Variants in AGMO observed in about 807,000 individuals in gnomAD.
The protein encoded by AGMO is glyceryl-ether monooxygenase.
In AGMO, 75 loss-of-function variants were observed where a neutral mutation model predicts 60.2. The ratio of observed to expected loss-of-function variants is 1.25; its 90% CI spans 1.03 to 1.51. The LOEUF (loss-of-function observed/expected upper bound fraction) is 1.51. Ranked by LOEUF, AGMO falls within the 40% of genes most tolerant of loss-of-function variation. The probability of loss-of-function intolerance (pLI) is 0.00; values close to 1 mark genes in which losing one functional copy is unlikely to be tolerated. For missense variants in AGMO, 763 were observed against 525.5 expected (o/e 1.45, Z -4.42); for synonymous variants, 261 against 177.1 (o/e 1.47, Z -3.76).
intron 5 of AGMO, among the ~76,000 whole-genome samples, chr7:15,407,352 A>T (rs1231843857): frequency 6.6e-6 from 1 of 150,908 alleles, no homozygotes; most frequent in Admixed American, 6.7e-5. Context: ...GTAACTGTAG[A>T]ATAGAAGGAA....
At chr7:15,383,364 T>A (rs1783770381) in intron 10 of AGMO, among the ~76,000 whole-genome samples, 1 of 151,418 alleles carries the variant, frequency 6.6e-6, no homozygotes, top group Admixed American at 6.6e-5. Flanking sequence ...CCCAAACTTT[T>A]CAGTTACGTT....
intron 3 of AGMO, among the ~76,000 whole-genome samples, chr7:15,527,769 A>G (rs564752824): frequency 6.6e-6 from 1 of 152,270 alleles, no homozygotes; most frequent in African/African-American, 2.4e-5. Flanking sequence ...TTTAAGATGA[A>G]GCCATTTACC....
chr7:15,457,855 G>C (rs6461181), intron 3 of AGMO, among the ~76,000 whole-genome samples: 120,542 of 151,960 alleles, frequency 0.79, 48,814 homozygotes, highest in African/African-American at 0.87. Flanking sequence ...ATCTTTTCCA[G>C]GCTTTACTCT....
At position 15,277,691 on chromosome 7, in the gene AGMO, A is replaced by T. The variant is rs951366684; in HGVS notation, c.1264-76332T>A. Among the ~76,000 whole-genome samples the T allele has an allele frequency of 3.6e-4, 55 of 152,092 alleles. No individual in the cohort carries two copies. In the Middle Eastern group the frequency reaches 0.01, roughly 28 times the overall value. ...TCAATCTATAGGCTAATAAATGGCA[A>T]TTACAGGTAATAGCCAATTGCAGTA... On this transcript the variant is annotated intron_variant, in intron 12 of 12. Coordinates refer to ENST00000342526, the MANE Select transcript of AGMO (RefSeq NM_001004320.2).
At chr7:15,356,081 C>T (rs1218644016) in intron 12 of AGMO, among the ~76,000 whole-genome samples, 1 of 152,138 alleles carries the variant, frequency 6.6e-6, no homozygotes, top group Non-Finnish European at 1.5e-5. Context: ...ACAATTACAA[C>T]TTCGGTGAGG....
intron 12 of AGMO, among the ~76,000 whole-genome samples, chr7:15,226,326 A>G (rs1022824206): frequency 2.0e-5 from 3 of 152,152 alleles, no homozygotes; most frequent in African/African-American, 7.2e-5. Context: ...GTTCTGAATT[A>G]CAAGGACTCT....
intron 5 of AGMO, among the ~76,000 whole-genome samples, chr7:15,414,488 A>G (rs1780702333): frequency 6.6e-6 from 1 of 151,958 alleles, no homozygotes; most frequent in Non-Finnish European, 1.5e-5. Flanking sequence ...ACACACACAC[A>G]CACACACACA....
chr7:15,388,253 G>A (rs1057490729), intron 8 of AGMO, among the ~76,000 whole-genome samples: 1 of 152,082 alleles, frequency 6.6e-6, no homozygotes. Context: ...TATGCCTAGT[G>A]TTCCATTATT....
intron 12 of AGMO, among the ~76,000 whole-genome samples, chr7:15,354,260 T>C (rs1191637102): frequency 7.1e-6 from 1 of 140,278 alleles, no homozygotes; most frequent in Non-Finnish European, 1.5e-5. Context: ...GTAAAAAATG[T>C]GTACATGATA....
At chr7:15,518,524 C>CA (rs1465743799) in intron 3 of AGMO, among the ~76,000 whole-genome samples, 1 of 152,156 alleles carries the variant, frequency 6.6e-6, no homozygotes, top group Non-Finnish European at 1.5e-5. Flanking sequence ...GATACTCTGG[C>CA]AAACAGGGTC....
chr7:15,206,968 T>G (rs1781455231), intron 12 of AGMO, among the ~76,000 whole-genome samples: 1 of 152,184 alleles, frequency 6.6e-6, no homozygotes, highest in Admixed American at 6.5e-5. Flanking sequence ...ATCTTTCATT[T>G]CACGCATTAT....
intron 12 of AGMO, among the ~76,000 whole-genome samples, chr7:15,207,581 T>G (rs1781471189): frequency 6.6e-6 from 1 of 152,242 alleles, no homozygotes; most frequent in Non-Finnish European, 1.5e-5. Context: ...TTTTACCAGC[T>G]TAGATTGTTA....
intron 3 of AGMO, among the ~76,000 whole-genome samples, chr7:15,528,475 C>T (rs1200747984): frequency 6.6e-6 from 1 of 151,990 alleles, no homozygotes; most frequent in African/African-American, 2.4e-5. Context: ...TAATCCTGAT[C>T]TGAAGTACCT....
intron 12 of AGMO, among the ~76,000 whole-genome samples, chr7:15,356,972 A>T (rs895538557): frequency 7.3e-5 from 11 of 150,764 alleles, no homozygotes; most frequent in Admixed American, 6.0e-4. Flanking sequence ...AAAAAAAAAA[A>T]AATTAGCCAG....
intron 12 of AGMO, among the ~76,000 whole-genome samples, chr7:15,247,463 G>C (rs867779648): frequency 1.9e-4 from 26 of 139,976 alleles, no homozygotes; most frequent in South Asian, 8.8e-4. Context: ...CACACACAGA[G>C]AGAGAGAGAG....
chr7:15,354,390 G>GCGTGTGTA (rs1782395957), intron 12 of AGMO, among the ~76,000 whole-genome samples: 9 of 37,538 alleles, frequency 2.4e-4, no homozygotes, highest in African/African-American at 6.9e-4. Flanking sequence ...ACACGTGTGT[G>GCGTGTGTA]TATACACGTG....
In AGMO at chr7:15,529,666, T is replaced by TCTTCTATATACAGAATATATA. The variant is rs1784242477; in HGVS notation, c.409+15105_409+15106insTATATATTCTGTATATAGAAG. On this transcript the variant is annotated intron_variant, in intron 3 of 12. Transcript: ENST00000342526. ...TATATACTATATATTCTATATATATTCTATATATATTCTATATATAGAATA... is the reference window on the plus strand; with the variant it reads ...TATATACTATATATTCTATATATATTCTTCTATATACAGAATATATACTATATATATTCTATATATAGAATA... Among the ~76,000 whole-genome samples, 7 of 12,368 alleles carry TCTTCTATATACAGAATATATA rather than the reference T, an allele frequency of 5.7e-4. 2 individuals carry two copies. The highest frequency in any genetic ancestry group is 1.5e-3 in the African/African-American group (7 of 4,666). 8.1% of individuals were successfully genotyped at this position (12,368 alleles called of 152,430 possible).
the AGMO span, among the ~76,000 whole-genome samples, chr7:15,137,585 T>C: frequency 1.3e-5 from 2 of 152,240 alleles, no homozygotes; most frequent in African/African-American, 4.8e-5. Flanking sequence ...GGTGGACATG[T>C]ACAATCAAGT....
intron 10 of AGMO, among the ~76,000 whole-genome samples, chr7:15,374,508 T>G (rs1328562732): frequency 6.6e-6 from 1 of 152,070 alleles, no homozygotes; most frequent in Non-Finnish European, 1.5e-5. Flanking sequence ...TATGTAACAA[T>G]TATATTTGAC....
Sources: gnomAD v4.1 joint callset for allele counts (sites outside exome capture counted in the v4.1 genomes callset) on GRCh38, gnomAD v4.1.1 for gene constraint, MANE v1.5 for transcripts, NCBI Gene and HGNC (gene_info 2026-07-23, HGNC 2026-07-21) for gene names.